ARHGAP44: variants seen among roughly 807,000 people sequenced by gnomAD.
The protein encoded by ARHGAP44 is Rho GTPase activating protein 44, also known as rho GTPase-activating protein 44.
A neutral mutation model predicts 106.8 loss-of-function variants in ARHGAP44; 43 were observed. The ratio of observed to expected loss-of-function variants is 0.40; its 90% confidence interval spans 0.32 to 0.52. ARHGAP44 has a LOEUF of 0.52. Ranked by LOEUF, ARHGAP44 falls within the 20% of genes least tolerant of loss-of-function variation. The pLI, the probability that ARHGAP44 is intolerant of heterozygous loss-of-function variation, is 0.48. For missense variants in ARHGAP44, 866 were observed against 1,050.5 expected (o/e 0.82, Z 2.43); for synonymous variants, 439 against 410.3 (o/e 1.07, Z -0.85).
intron 7 of ARHGAP44, among the ~76,000 whole-genome samples, chr17:12,937,867 G>A (rs552098792): frequency 5.3e-5 from 8 of 152,118 alleles, no homozygotes; most frequent in South Asian, 4.1e-4. Context: ...TTGGGAGGCC[G>A]AGGTGGGCGG....
chr17:12,988,925 C>CA (rs76187703), intron 20 of ARHGAP44: 4,413 of 84,470 alleles, frequency 0.052, 140 homozygotes, highest in African/African-American at 0.1. Flanking sequence ...CTAAAAACAC[C>CA]AAAAAAAAAA....
At chr17:12,930,696 T>A (rs1257236515) in intron 7 of ARHGAP44, among the ~76,000 whole-genome samples, 2 of 152,258 alleles carry the variant, frequency 1.3e-5, no homozygotes, top group African/African-American at 4.8e-5. Context: ...TCAGTAGCTT[T>A]ATCCATTCCT....
chr17:12,919,531 G>T (rs547467017), intron 5 of ARHGAP44, among the ~76,000 whole-genome samples: 1 of 152,158 alleles, frequency 6.6e-6, no homozygotes, highest in African/African-American at 2.4e-5. Flanking sequence ...AATTACAGGC[G>T]CATGCCACCA....
At chr17:12,952,722 CTTTTTTTTTTTT>C (rs201371135) in intron 13 of ARHGAP44, 141 bp downstream of exon 13, 21,256 of 306,016 alleles carry the variant, frequency 0.069, 314 homozygotes, top group Middle Eastern at 0.088. Flanking sequence ...TGCATGGTCT[CTTTTTTTTTTTT>C]TTTTTTTTTT....
At chr17:12,940,273 A>T (rs1204264487) in intron 7 of ARHGAP44, among the ~76,000 whole-genome samples, 1 of 152,202 alleles carries the variant, frequency 6.6e-6, no homozygotes, top group Non-Finnish European at 1.5e-5. Flanking sequence ...TGAGCAAGCA[A>T]GTTCGGATAA....
intron 1 of ARHGAP44, among the ~76,000 whole-genome samples, chr17:12,826,751 T>G (rs1464081152): frequency 6.6e-6 from 1 of 152,248 alleles, no homozygotes; most frequent in Non-Finnish European, 1.5e-5. Flanking sequence ...ATTCTCTTGA[T>G]TCTTCTTATG....
chr17:12,907,959 A>T (rs1033334036), intron 3 of ARHGAP44, among the ~76,000 whole-genome samples: 1 of 148,230 alleles, frequency 6.7e-6, no homozygotes, highest in Admixed American at 6.8e-5. Flanking sequence ...ACCAATCCTT[A>T]TTTTTTTTTT....
At chr17:12,844,799 G>A (rs1005317685) in intron 1 of ARHGAP44, among the ~76,000 whole-genome samples, 2 of 151,602 alleles carry the variant, frequency 1.3e-5, no homozygotes, top group Admixed American at 6.6e-5. Context: ...GCCTGCATTT[G>A]TATATTCTCC....
At chr17:12,832,085 C>T (rs913718647) in intron 1 of ARHGAP44, among the ~76,000 whole-genome samples, 5 of 152,164 alleles carry the variant, frequency 3.3e-5, no homozygotes, top group African/African-American at 9.7e-5. Context: ...TTTACCAAGA[C>T]AGGGGAACTT....
chr17:12,844,128 C>T (rs910787777), intron 1 of ARHGAP44, among the ~76,000 whole-genome samples: 15 of 152,110 alleles, frequency 9.9e-5, no homozygotes, highest in African/African-American at 2.2e-4. Flanking sequence ...GGAAAGTTTA[C>T]GTGTAGATTG....
chr17:12,841,945 A>G (rs1270245807), intron 1 of ARHGAP44, among the ~76,000 whole-genome samples: 8 of 152,172 alleles, frequency 5.3e-5, no homozygotes, highest in Admixed American at 4.6e-4. Flanking sequence ...AAGGAATAGT[A>G]TATACAAAGC....
At chr17:12,940,599 C>T (rs1330001119) in intron 7 of ARHGAP44, among the ~76,000 whole-genome samples, 7 of 152,170 alleles carry the variant, frequency 4.6e-5, no homozygotes, top group Non-Finnish European at 1.0e-4. Context: ...CCATCTCTTT[C>T]CCATATGCTT....
At chr17:12,913,571 T>A (rs9903618) in intron 4 of ARHGAP44, among the ~76,000 whole-genome samples, 306 of 152,292 alleles carry the variant, frequency 2.0e-3, no homozygotes, top group African/African-American at 6.6e-3. Context: ...TAAATTTTTT[T>A]AATTAAGTAG....
chr17:12,885,930 A>G (rs2036868717), intron 1 of ARHGAP44, among the ~76,000 whole-genome samples: 1 of 152,150 alleles, frequency 6.6e-6, no homozygotes, highest in African/African-American at 2.4e-5. Context: ...CATTGTCTAA[A>G]GCAAGGTCAC....
chr17:12,882,444 T>C (rs2036767207), intron 1 of ARHGAP44, among the ~76,000 whole-genome samples: 1 of 152,182 alleles, frequency 6.6e-6, no homozygotes. Flanking sequence ...TAAAATCTTC[T>C]ATTTTAGTTG....
At chr17:12,861,205 G>A (rs1363463054) in intron 1 of ARHGAP44, among the ~76,000 whole-genome samples, 1 of 152,064 alleles carries the variant, frequency 6.6e-6, no homozygotes, top group African/African-American at 2.4e-5. Flanking sequence ...GGCCGGGGTG[G>A]TCTCAAACTC....
intron 1 of ARHGAP44, among the ~76,000 whole-genome samples, chr17:12,845,520 A>AC (rs2035544889): frequency 7.4e-6 from 1 of 135,068 alleles, no homozygotes; most frequent in Admixed American, 7.1e-5. Context: ...AAAAAAAAAA[A>AC]AACAAAAAAA....
intron 7 of ARHGAP44, chr17:12,929,319 C>G (rs1017795627): frequency 4.4e-5 from 12 of 274,522 alleles, no homozygotes; most frequent in African/African-American, 2.6e-4. Flanking sequence ...CTGTGTGAAG[C>G]TTTTGTAAAT....
intron 1 of ARHGAP44, among the ~76,000 whole-genome samples, chr17:12,865,241 G>C (rs2150872547): frequency 6.6e-6 from 1 of 151,992 alleles, no homozygotes; most frequent in South Asian, 2.1e-4. Flanking sequence ...CTAGAAAGTA[G>C]AAGAAGACAA....
Sources: allele counts gnomAD v4.1 joint callset (sites outside exome capture counted in the v4.1 genomes callset), GRCh38; gene constraint gnomAD v4.1.1; transcripts MANE v1.5; gene names NCBI Gene and HGNC (gene_info 2026-07-23, HGNC 2026-07-21).